CDKN1B: variants seen among roughly 807,000 people sequenced by gnomAD.
CDKN1B encodes the protein cyclin dependent kinase inhibitor 1B.
In CDKN1B, 7 loss-of-function variants were observed where a neutral mutation model predicts 17.1. The observed-to-expected ratio is 0.41, with a 90% CI of 0.23 to 0.77. The LOEUF (loss-of-function observed/expected upper bound fraction) is 0.77. Among genes scored for constraint, CDKN1B ranks in the 30% least tolerant of loss-of-function variants. The pLI is 0.33. For missense variants in CDKN1B, 337 were observed against 262.0 expected, an observed-to-expected ratio of 1.29 and a Z score of -1.98; for synonymous variants, 149 against 104.3, an observed-to-expected ratio of 1.43 and a Z score of -2.61.
At position 12,718,830 on chromosome 12, in the gene CDKN1B, T is replaced by C. The variant is rs1426083834; in HGVS notation, c.481T>C (p.Ser161Pro). Reference sequence around the variant, plus strand: ...AAAATTTCCCCTGCGCTTAGATTCTTCTACTCAAAACAAAAGAGCCAACAG... The same window carrying C: ...AAAATTTCCCCTGCGCTTAGATTCTCCTACTCAAAACAAAAGAGCCAACAG... ...IRKRPATDDS[S>P]TQNKRANRTE... The change falls in exon 2 of 3, where the codon TCT (serine) becomes CCT (proline). Residue 161 changes from serine (S) to proline (P), a missense_variant. Transcript: ENST00000228872. 6 of 1,614,096 alleles carry C rather than the reference T, an allele frequency of 3.7e-6. No homozygotes were observed. The highest frequency in any genetic ancestry group is 5.1e-6 in the Non-Finnish European group (6 of 1,179,996).
Position 12,718,317 on chromosome 12 carries a change from A to G in CDKN1B, c.475+3A>G, listed in dbSNP as rs575418074. 3.7e-6 allele frequency: 6 copies of G among 1,600,246 alleles called. No homozygotes were observed. The African/African-American group carries it at 8.0e-5, about 21-fold the overall frequency. ...AAGGAAGCGACCTGCAACCGACGGT[A>G]ATGACCCTTTCCCAACCATAGAATG... On this transcript the variant is annotated splice_donor_region_variant and intron_variant, in intron 1 of 2. Coordinates refer to ENST00000228872, the MANE Select transcript of CDKN1B (RefSeq NM_004064.5).
Position 12,717,401 on chromosome 12 carries a change from G to A in CDKN1B, c.-439G>A, listed in dbSNP as rs907077739. ...TCAGCCTCCCTTCCACCGCCATATT[G>A]GGCCACTAAAAAAAGGGGGCTCGTC... On this transcript the variant is annotated 5_prime_UTR_variant, in exon 1 of 3. Transcript: ENST00000228872. The A allele has an allele frequency of 4.2e-6, 5 of 1,198,716 alleles. No individual in the cohort carries two copies. Among genetic ancestry groups the A allele is most frequent in the Admixed American group, 4.3e-5 (1 of 23,512 alleles). The allele number at this position is 1,198,716 out of a possible 1,614,324, so 74.3% of individuals were successfully genotyped here.
rs1164676621 is a variant in CDKN1B at position 12,722,088 on chromosome 12, T to C, written c.*1061T>C. 1.3e-5 allele frequency: 2 copies of C among 152,306 alleles called. No homozygotes were observed. Among genetic ancestry groups the C allele is most frequent in the East Asian group, 1.9e-4 (1 of 5,200 alleles). 9.4% of individuals were successfully genotyped at this position (152,306 alleles called of 1,614,324 possible). A position where few individuals can be genotyped will look rare whatever the true frequency, so the allele number is the denominator to read the frequency against. On this transcript the variant is annotated 3_prime_UTR_variant, in exon 3 of 3. Transcript: ENST00000228872. ...CTGTGTATGGAAAAACCATTTGAAGTGTACCTGTGTACATAACTCTGTAAA... is the reference window on the plus strand; with the variant it reads ...CTGTGTATGGAAAAACCATTTGAAGCGTACCTGTGTACATAACTCTGTAAA...
Position 12,722,051 on chromosome 12 carries a change from G to A in CDKN1B, c.*1024G>A, listed in dbSNP as rs1050457365. The A allele has an allele frequency of 6.6e-6, 1 of 152,228 alleles. No homozygotes were observed. The highest frequency in any genetic ancestry group is 1.5e-5 in the Non-Finnish European group (1 of 68,046). 9.4% of individuals were successfully genotyped at this position (152,228 alleles called of 1,614,324 possible). A position where few individuals can be genotyped will look rare whatever the true frequency, so the allele number is the denominator to read the frequency against. ...GAAATGGATACTACATCTTTAAACAGTATTTCATTGCCTGTGTATGGAAAA... is the reference window on the plus strand; with the variant it reads ...GAAATGGATACTACATCTTTAAACAATATTTCATTGCCTGTGTATGGAAAA... On this transcript the variant is annotated 3_prime_UTR_variant, in exon 3 of 3. Coordinates refer to ENST00000228872, the MANE Select transcript of CDKN1B (RefSeq NM_004064.5).
At chr12:12,718,750 G>A in intron 1 of CDKN1B, 75 bp from the exon 2 acceptor site, 3 of 1,578,192 alleles carry the variant, frequency 1.9e-6, no homozygotes, top group South Asian at 2.2e-5. Context: ...CCTGACTATG[G>A]GGCCAACTTC....
rs1946514268 is a variant in CDKN1B, at chr12:12,718,948, C to T, written c.*2C>T. The T allele has an allele frequency of 1.9e-6, 3 of 1,613,800 alleles. No individual in the cohort carries two copies. Among genetic ancestry groups the T allele is most frequent in the African/African-American group, 1.3e-5 (1 of 74,904 alleles). On this transcript the variant is annotated 3_prime_UTR_variant, in exon 2 of 3. Transcript: ENST00000228872. ...GGCCTCAGAAGACGTCAAACGTAAACAGCTCGGTGGGTTGATCACTAAAGG... is the reference window on the plus strand; with the variant it reads ...GGCCTCAGAAGACGTCAAACGTAAATAGCTCGGTGGGTTGATCACTAAAGG...
chr12:12,718,893 G>A lies in CDKN1B; in HGVS notation c.544G>A (p.Gly182Ser), dbSNP rs775220239. The A allele has an allele frequency of 5.6e-6, 9 of 1,613,994 alleles. No individual in the cohort carries two copies. The highest frequency in any genetic ancestry group is 1.7e-5 in the Admixed American group (1 of 59,978). ...ENVSDGSPNA[G>S]SVEQTPKKPG... ...TGTTTCAGACGGTTCCCCAAATGCC[G>A]GTTCTGTGGAGCAGACGCCCAAGAA... The change falls in exon 2 of 3, where the codon GGT becomes AGT. Residue 182 changes from glycine (G) to serine (S), a missense_variant. Coordinates refer to ENST00000228872, the MANE Select transcript of CDKN1B (RefSeq NM_004064.5).
rs1194225133 is a variant in CDKN1B, at chr12:12,719,640, CTT to C, written c.*8+687_*8+688del. ...TTGCAAAGCAGAAGTTAAATTAACTCTTGTCAGTAAGCAATCCAGGAACACGT... is the reference window on the plus strand; with the variant it reads ...TTGCAAAGCAGAAGTTAAATTAACTCGTCAGTAAGCAATCCAGGAACACGT... On this transcript the variant is annotated intron_variant, in intron 2 of 2. Coordinates refer to ENST00000228872, the MANE Select transcript of CDKN1B (RefSeq NM_004064.5). The C allele has an allele frequency of 3.9e-5, 6 of 152,710 alleles. No individual in the cohort carries two copies. The East Asian group carries it at 1.2e-3, about 29-fold the overall frequency. 9.5% of individuals were successfully genotyped at this position (152,710 alleles called of 1,614,324 possible). A position where few individuals can be genotyped will look rare whatever the true frequency, so the allele number is the denominator to read the frequency against.
Position 12,717,646 on chromosome 12 carries a change from G to A in CDKN1B, c.-194G>A. 3 of 1,471,552 alleles carry A rather than the reference G, an allele frequency of 2.0e-6. No individual in the cohort carries two copies. The highest frequency in any genetic ancestry group is 1.8e-6 in the Non-Finnish European group (2 of 1,119,596). 91.2% of individuals were successfully genotyped at this position (1,471,552 alleles called of 1,614,324 possible). On this transcript the variant is annotated 5_prime_UTR_variant, in exon 1 of 3. Transcript: ENST00000228872. ...TTTGATCAGCGGAGACTCGGCGGCC[G>A]GGCCGGGGCTTCCCCGCAGCCCCTG... is the stretch of plus-strand genomic sequence containing the variant.
rs780172282 is a variant in CDKN1B at position 12,717,804 on chromosome 12, G to C, written c.-36G>C. The C allele has an allele frequency of 1.6e-5, 25 of 1,609,880 alleles. No homozygotes were observed. The highest frequency in any genetic ancestry group is 3.3e-5 in the Admixed American group (2 of 60,010). On this transcript the variant is annotated 5_prime_UTR_variant, in exon 1 of 3. Coordinates refer to ENST00000228872, the MANE Select transcript of CDKN1B (RefSeq NM_004064.5). ...TTTGTTCGGTTTTGTTTTTTTGAGA[G>C]TGCGAGAGAGGCGGTCGTGCAGACC...
At position 12,718,055 on chromosome 12, in the gene CDKN1B, C is replaced by T. The variant is rs776643344; in HGVS notation, c.216C>T (p.Gly72=). The change falls in exon 1 of 3, where the codon GGC becomes GGT. Residue 72 remains glycine, a synonymous_variant. Coordinates refer to ENST00000228872, the MANE Select transcript of CDKN1B (RefSeq NM_004064.5). The part of the protein sequence containing the change: ...FDFQNHKPLE[G]KYEWQEVEKG... The stretch of plus-strand genomic sequence containing the variant: ...TTCAGAATCACAAACCCCTAGAGGG[C>T]AAGTACGAGTGGCAAGAGGTGGAGA... The T allele has an allele frequency of 1.8e-5, 29 of 1,614,252 alleles. No homozygotes were observed. Among genetic ancestry groups the T allele is most frequent in the Middle Eastern group, 1.6e-4 (1 of 6,062 alleles).
Position 12,717,624 on chromosome 12 carries a change from G to T in CDKN1B, c.-216G>T, listed in dbSNP as rs1247136605. ...CGCCCTCCCGCTCGCCAGTCCATTT[G>T]ATCAGCGGAGACTCGGCGGCCGGGC... On this transcript the variant is annotated 5_prime_UTR_variant, in exon 1 of 3. Coordinates refer to ENST00000228872, the MANE Select transcript of CDKN1B (RefSeq NM_004064.5). 2 of 1,456,956 alleles carry T rather than the reference G, an allele frequency of 1.4e-6. No homozygotes were observed. The highest frequency in any genetic ancestry group is 5.0e-5 in the East Asian group (2 of 40,354). The allele number at this position is 1,456,956 out of a possible 1,614,324, so 90.3% of individuals were successfully genotyped here.
chr12:12,717,758 G>A lies in CDKN1B; in HGVS notation c.-82G>A, dbSNP rs1339500073. On this transcript the variant is annotated 5_prime_UTR_variant, in exon 1 of 3. Coordinates refer to ENST00000228872, the MANE Select transcript of CDKN1B (RefSeq NM_004064.5). ...TCGCTGGGCTTCCGAGAGGGGTTCG[G>A]GCTGCGTAGGGGCGCTTTGTTTTGT... The A allele has an allele frequency of 1.9e-6, 3 of 1,599,804 alleles. No individual in the cohort carries two copies. Among genetic ancestry groups the A allele is most frequent in the African/African-American group, 1.3e-5 (1 of 74,830 alleles).
At chr12:12,718,355 C>T (rs1946501809) in intron 1 of CDKN1B, 41 bp downstream of exon 1, 1 of 1,548,736 alleles carries the variant, frequency 6.5e-7, no homozygotes, top group South Asian at 1.1e-5. Context: ...TTTGGGGCCC[C>T]GCTTTGCCTG....
intron 2 of CDKN1B, among the ~76,000 whole-genome samples, chr12:12,720,045 G>C (rs899809797): frequency 1.3e-5 from 2 of 152,156 alleles, no homozygotes; most frequent in African/African-American, 4.8e-5. Context: ...TGAGATTCAG[G>C]TTTGTTGTGT....
chr12:12,720,105 A>G (rs1047662123), intron 2 of CDKN1B, among the ~76,000 whole-genome samples: 1 of 152,178 alleles, frequency 6.6e-6, no homozygotes, highest in Non-Finnish European at 1.5e-5. Context: ...GCTTATACAA[A>G]ACGGCACTAT....
At position 12,717,692 on chromosome 12, in the gene CDKN1B, C is replaced by G. The variant is rs948773586; in HGVS notation, c.-148C>G. On this transcript the variant is annotated 5_prime_UTR_variant, in exon 1 of 3. Coordinates refer to ENST00000228872, the MANE Select transcript of CDKN1B (RefSeq NM_004064.5). ...CCCTGCGCGCTCCTAGAGCTCGGGCCGTGGCTCGTCGGGGTCTGTGTCTTT... is the reference window on the plus strand; with the variant it reads ...CCCTGCGCGCTCCTAGAGCTCGGGCGGTGGCTCGTCGGGGTCTGTGTCTTT... 3.3e-6 allele frequency: 5 copies of G among 1,535,374 alleles called. No individual in the cohort carries two copies. The highest frequency in any genetic ancestry group is 4.4e-6 in the Non-Finnish European group (5 of 1,149,072).
chr12:12,721,069 A>G lies in CDKN1B; in HGVS notation c.*42A>G, dbSNP rs776548725. 4 of 753,654 alleles carry G rather than the reference A, an allele frequency of 5.3e-6. No homozygotes were observed. Among genetic ancestry groups the G allele is most frequent in the East Asian group, 2.5e-5 (1 of 40,808 alleles). 46.7% of individuals were successfully genotyped at this position (753,654 alleles called of 1,614,324 possible). On this transcript the variant is annotated 3_prime_UTR_variant, in exon 3 of 3. Coordinates refer to ENST00000228872, the MANE Select transcript of CDKN1B (RefSeq NM_004064.5). ...ATATGTTTCCTTGTTTATCAGATAC[A>G]TCACTGCTTGATGAAGCAAGGAAGA...
chr12:12,718,389 G>GTCT, intron 1 of CDKN1B, 75 bp downstream of exon 1: 3 of 1,324,084 alleles, frequency 2.3e-6, no homozygotes, highest in Non-Finnish European at 3.2e-6. Context: ...ACCTTAGCTT[G>GTCT]CTTTTCGGCG....
Sources: allele counts gnomAD v4.1 joint callset (sites outside exome capture counted in the v4.1 genomes callset), GRCh38; gene constraint gnomAD v4.1.1; transcripts MANE v1.5; gene names NCBI Gene and HGNC (gene_info 2026-07-23, HGNC 2026-07-21).